The following RCOR1 variants were observed in gnomAD, a reference collection of about 807,000 sequenced individuals.
The protein encoded by RCOR1 is REST corepressor.
A neutral mutation model predicts 64.0 loss-of-function variants in RCOR1; 12 were observed. The observed-to-expected ratio is 0.19, with a 90% confidence interval of 0.12 to 0.30. The LOEUF is 0.30. Ranked by LOEUF, RCOR1 falls within the 10% of genes least tolerant of loss-of-function variation. The probability of loss-of-function intolerance (pLI) is 1.00; values close to 1 mark genes in which losing one functional copy is unlikely to be tolerated. For synonymous variants in RCOR1, 279 were observed against 227.2 expected (o/e 1.23, Z -2.05); for missense variants, 502 against 621.2 (o/e 0.81, Z 2.04).
chr14:102,726,184 G>T (rs1346657501), intron 11 of RCOR1, among the ~76,000 whole-genome samples: 2 of 151,950 alleles, frequency 1.3e-5, no homozygotes, highest in African/African-American at 2.4e-5. Context: ...AAAATTAGCT[G>T]GGCGTGGAGG....
intron 2 of RCOR1, among the ~76,000 whole-genome samples, chr14:102,617,878 G>A (rs1361962402): frequency 3.3e-5 from 5 of 151,254 alleles, no homozygotes; most frequent in Non-Finnish European, 7.4e-5. Context: ...GTGAGCCACC[G>A]TGCCTGGCCC....
rs1334046750 is a variant in RCOR1 at position 102,710,953 on chromosome 14, G to A, written c.798G>A (p.Glu266=). 11 of 1,605,794 alleles carry A rather than the reference G, an allele frequency of 6.9e-6. No individual in the cohort carries two copies. The highest frequency in any genetic ancestry group is 9.3e-6 in the Non-Finnish European group (11 of 1,177,990). ...EREESEDELE[E]ANGNNPIDIE... ...CTTCCAGCGAGGATGAACTGGAAGA[G>A]GCAAATGGAAACAATCCCATTGACA... The change falls in exon 7 of 12, where the codon GAG becomes GAA. Residue 266 remains glutamate, a synonymous_variant. Coordinates refer to ENST00000262241, the MANE Select transcript of RCOR1 (RefSeq NM_015156.4).
intron 2 of RCOR1, among the ~76,000 whole-genome samples, chr14:102,647,247 T>C (rs1386321578): frequency 2.0e-5 from 3 of 152,224 alleles, no homozygotes; most frequent in Non-Finnish European, 4.4e-5. Flanking sequence ...ACTGAGAATC[T>C]GTATGACACT....
At chr14:102,672,399 A>G (rs1274140571) in intron 2 of RCOR1, among the ~76,000 whole-genome samples, 1 of 151,922 alleles carries the variant, frequency 6.6e-6, no homozygotes, top group East Asian at 1.9e-4. Flanking sequence ...TTTTTAGTAG[A>G]GACGGGGTTT....
chr14:102,711,680 T>A (rs1189161976), intron 7 of RCOR1, among the ~76,000 whole-genome samples: 1 of 152,216 alleles, frequency 6.6e-6, no homozygotes, highest in Non-Finnish European at 1.5e-5. Context: ...GAGTTCTCTC[T>A]CTCTGCTCCA....
intron 2 of RCOR1, among the ~76,000 whole-genome samples, chr14:102,663,980 T>G (rs558687186): frequency 9.7e-4 from 148 of 152,320 alleles, no homozygotes; most frequent in African/African-American, 3.3e-3. Context: ...CAATTCCAGT[T>G]TCTAGTGCAG....
chr14:102,661,292 G>C (rs1337748564), intron 2 of RCOR1, among the ~76,000 whole-genome samples: 1 of 152,132 alleles, frequency 6.6e-6, no homozygotes, highest in Non-Finnish European at 1.5e-5. Flanking sequence ...AGGTTGCAGT[G>C]AGTCGAGATT....
Position 102,722,278 on chromosome 14 carries a change from T to C in RCOR1, c.1281T>C (p.Tyr427=), listed in dbSNP as rs1896181538. The stretch of plus-strand genomic sequence containing the variant: ...AAGTGAAAAACTTTTTTGTAAATTA[T>C]CGACGCCGCTTCAACATAGATGAAG... ...VVQVKNFFVN[Y]RRRFNIDEVL... Residue 427 remains tyrosine, a synonymous_variant, in exon 11 of 12, where the codon TAT becomes TAC. Coordinates refer to ENST00000262241, the MANE Select transcript of RCOR1 (RefSeq NM_015156.4). 6.2e-7 allele frequency: 1 copy of C among 1,614,094 alleles called. No individual in the cohort carries two copies. Among genetic ancestry groups the C allele is most frequent in the African/African-American group, 1.3e-5 (1 of 74,930 alleles).
intron 2 of RCOR1, among the ~76,000 whole-genome samples, chr14:102,618,217 C>T (rs1032543731): frequency 6.6e-6 from 1 of 151,038 alleles, no homozygotes; most frequent in African/African-American, 2.4e-5. Flanking sequence ...TCAGGTGGAT[C>T]CCCCCTGCCT....
intron 4 of RCOR1, 76 bp from the exon 5 acceptor site, chr14:102,707,275 T>G: frequency 3.1e-6 from 4 of 1,276,842 alleles, no homozygotes; most frequent in Admixed American, 2.5e-5. Context: ...TCGTTTTTAC[T>G]TTTCTTTTGC....
At chr14:102,638,109 A>G (rs970772202) in intron 2 of RCOR1, among the ~76,000 whole-genome samples, 2 of 152,224 alleles carry the variant, frequency 1.3e-5, no homozygotes, top group Non-Finnish European at 2.9e-5. Flanking sequence ...CTAATGTGAC[A>G]AATTTGCTAC....
At chr14:102,678,301 T>TTTTG (rs201739268) in intron 2 of RCOR1, among the ~76,000 whole-genome samples, 2 of 151,970 alleles carry the variant, frequency 1.3e-5, no homozygotes, top group Non-Finnish European at 2.9e-5. Flanking sequence ...AGGTGCTTTT[T>TTTTG]TTTGTTTGTT....
intron 2 of RCOR1, among the ~76,000 whole-genome samples, chr14:102,628,538 C>CA (rs371262191): frequency 0.05 from 6,392 of 127,202 alleles, 281 homozygotes; most frequent in African/African-American, 0.12. Flanking sequence ...ACTGCAACTC[C>CA]AAAAAAAAAA....
intron 2 of RCOR1, among the ~76,000 whole-genome samples, chr14:102,646,125 A>G (rs941983413): frequency 7.2e-5 from 11 of 152,314 alleles, no homozygotes; most frequent in Admixed American, 2.6e-4. Context: ...TAAGAAGGTG[A>G]TATGGGGTGG....
At chr14:102,630,669 G>A (rs1894093191) in intron 2 of RCOR1, among the ~76,000 whole-genome samples, 1 of 152,078 alleles carries the variant, frequency 6.6e-6, no homozygotes, top group Non-Finnish European at 1.5e-5. Context: ...AGATAAGAAG[G>A]GTAGTGGGGA....
chr14:102,709,779 T>G (rs1427837913), intron 6 of RCOR1, among the ~76,000 whole-genome samples: 1 of 152,250 alleles, frequency 6.6e-6, no homozygotes, highest in Non-Finnish European at 1.5e-5. Context: ...ACTGTCTATA[T>G]AGTAAGTCTG....
At chr14:102,635,456 A>T (rs886670403) in intron 2 of RCOR1, among the ~76,000 whole-genome samples, 3 of 152,128 alleles carry the variant, frequency 2.0e-5, no homozygotes, top group Non-Finnish European at 4.4e-5. Context: ...GTGAGCTGAG[A>T]TCACTCCACT....
In RCOR1 at chr14:102,593,166, T is replaced by C; in HGVS notation, c.280T>C (p.Ser94Pro). 1 of 1,523,028 alleles carries C rather than the reference T, an allele frequency of 6.6e-7. No homozygotes were observed. Among genetic ancestry groups the C allele is most frequent in the Non-Finnish European group, 8.8e-7 (1 of 1,141,362 alleles). 94.3% of individuals were successfully genotyped at this position (1,523,028 alleles called of 1,614,324 possible). A position where few individuals can be genotyped will look rare whatever the true frequency, so the allele number is the denominator to read the frequency against. The change falls in exon 1 of 12, where the codon TCG becomes CCG. Residue 94 changes from serine (S) to proline (P), a missense_variant. This residue lies in a region of RCOR1 where 242 missense variants were observed against 204.9 expected (regional missense o/e 1.18). Coordinates refer to ENST00000262241, the MANE Select transcript of RCOR1 (RefSeq NM_015156.4). ...SNSWEEGSSG[S>P]SSDEEHGGGG... ...CTCCTGGGAGGAAGGCAGCTCGGGC[T>C]CGTCCAGCGACGAGGAGCACGGTAG...
At chr14:102,691,137 C>G (rs1291535998) in intron 3 of RCOR1, among the ~76,000 whole-genome samples, 3 of 152,206 alleles carry the variant, frequency 2.0e-5, no homozygotes, top group Admixed American at 2.0e-4. Flanking sequence ...AGTCCCTGCC[C>G]AAGTGTAGCT....
Sources: gnomAD v4.1 joint callset for allele counts (sites outside exome capture counted in the v4.1 genomes callset) on GRCh38, gnomAD v4.1.1 for gene constraint, gnomAD v4.1.1 regional missense constraint, MANE v1.5 for transcripts, NCBI Gene and HGNC (gene_info 2026-07-23, HGNC 2026-07-21) for gene names.